SAMD12: variants seen among roughly 807,000 people sequenced by gnomAD.
SAMD12 encodes sterile alpha motif domain-containing protein 12.
SAMD12 carries 9 observed loss-of-function variants against 15.0 expected under a neutral mutation model. The ratio of observed to expected loss-of-function variants is 0.60; its 90% CI spans 0.36 to 1.05. SAMD12 has a LOEUF of 1.05. Among genes scored for constraint, SAMD12 ranks in the 50% least tolerant of loss-of-function variants. The pLI, the probability that SAMD12 is intolerant of heterozygous loss-of-function variation, is 0.01. For synonymous variants in SAMD12, 86 were observed against 90.1 expected (o/e 0.96, Z 0.25); for missense variants, 230 against 234.2 (o/e 0.98, Z 0.12).
chr8:118,266,616 GA>G (rs1381688857), intron 4 of SAMD12, among the ~76,000 whole-genome samples: 2 of 152,058 alleles, frequency 1.3e-5, no homozygotes, highest in African/African-American at 4.8e-5. Context: ...AACAAATAAA[GA>G]AAATGTGGTA....
intron 2 of SAMD12, among the ~76,000 whole-genome samples, chr8:118,470,028 C>A (rs1823747509): frequency 6.6e-6 from 1 of 151,966 alleles, no homozygotes; most frequent in Non-Finnish European, 1.5e-5. Flanking sequence ...TAATGGAATA[C>A]TCCTCATCTT....
Position 118,331,067 on chromosome 8 carries a change from GCTAAGAAATCT to G in SAMD12, c.433+48482_433+48492del, listed in dbSNP as rs139259459. On this transcript the variant is annotated intron_variant, in intron 4 of 4. Coordinates refer to the SAMD12 transcript ENST00000409003. Reference sequence around the variant, plus strand: ...TTTGATTCAGTGGGTCTTGGGTCAGGCTAAGAAATCTCTATTTGCAAAAATATCCTGAGATG... The same window carrying G: ...TTTGATTCAGTGGGTCTTGGGTCAGGCTATTTGCAAAAATATCCTGAGATG... 7.4e-3 allele frequency among the ~76,000 whole-genome samples: 1,125 copies of G among 152,272 alleles called. 19 individuals carry two copies. Among genetic ancestry groups the G allele is most frequent in the African/African-American group, 0.026 (1,080 of 41,548 alleles).
intron 4 of SAMD12, among the ~76,000 whole-genome samples, chr8:118,366,888 AT>A (rs2089689483): frequency 2.1e-5 from 2 of 96,498 alleles, no homozygotes; most frequent in African/African-American, 4.3e-5. Flanking sequence ...AAATAATAAA[AT>A]AAAATAAAAT....
chr8:118,262,450 A>T (rs1471032171), intron 4 of SAMD12, among the ~76,000 whole-genome samples: 1 of 152,108 alleles, frequency 6.6e-6, no homozygotes, highest in Non-Finnish European at 1.5e-5. Flanking sequence ...TGCTAACTTG[A>T]CTGTCTCTTT....
At chr8:118,424,209 A>G (rs1462264708) in intron 3 of SAMD12, among the ~76,000 whole-genome samples, 1 of 152,230 alleles carries the variant, frequency 6.6e-6, no homozygotes, top group Non-Finnish European at 1.5e-5. Flanking sequence ...GTATATGTGT[A>G]TATCTACGCA....
chr8:118,469,314 T>A (rs1271139322), intron 2 of SAMD12, among the ~76,000 whole-genome samples: 1 of 148,908 alleles, frequency 6.7e-6, no homozygotes, highest in Non-Finnish European at 1.5e-5. Context: ...TTTCATCCAT[T>A]TCATAAATGG....
intron 1 of SAMD12, among the ~76,000 whole-genome samples, chr8:118,609,073 A>C (rs1375482127): frequency 6.6e-6 from 1 of 152,240 alleles, no homozygotes; most frequent in African/African-American, 2.4e-5. Flanking sequence ...TGTGAGCTAT[A>C]CATACATTTT....
intron 4 of SAMD12, among the ~76,000 whole-genome samples, chr8:118,200,379 C>T (rs148422769): frequency 3.1e-5 from 4 of 129,570 alleles, no homozygotes; most frequent in African/African-American, 6.0e-5. Context: ...CCAATCAGCA[C>T]GATGAAGGGC....
At chr8:118,461,580 A>T (rs558099742) in intron 2 of SAMD12, among the ~76,000 whole-genome samples, 2 of 152,094 alleles carry the variant, frequency 1.3e-5, no homozygotes, top group African/African-American at 2.4e-5. Flanking sequence ...ACGTATGTAC[A>T]TACGTAAAAT....
At chr8:118,466,860 C>A (rs1823609763) in intron 2 of SAMD12, among the ~76,000 whole-genome samples, 1 of 152,166 alleles carries the variant, frequency 6.6e-6, no homozygotes. Context: ...AGATTCCCTG[C>A]CCACAAATTT....
intron 2 of SAMD12, among the ~76,000 whole-genome samples, chr8:118,576,069 C>T (rs1483461867): frequency 6.6e-6 from 1 of 152,048 alleles, no homozygotes; most frequent in African/African-American, 2.4e-5. Flanking sequence ...CAACACAATT[C>T]CATTTTTCAT....
intron 4 of SAMD12, among the ~76,000 whole-genome samples, chr8:118,311,974 T>C (rs184383038): frequency 4.6e-5 from 7 of 152,332 alleles, no homozygotes; most frequent in Middle Eastern, 3.4e-3. Flanking sequence ...TTCTCTTCAG[T>C]GTTCCGTCTT....
intron 2 of SAMD12, among the ~76,000 whole-genome samples, chr8:118,538,087 G>T (rs1022361996): frequency 1.3e-5 from 2 of 152,314 alleles, no homozygotes; most frequent in African/African-American, 4.8e-5. Flanking sequence ...GTAAAATCCA[G>T]AAGAATTCCC....
chr8:118,313,051 A>G (rs898279642), intron 4 of SAMD12, among the ~76,000 whole-genome samples: 1 of 152,214 alleles, frequency 6.6e-6, no homozygotes, highest in Non-Finnish European at 1.5e-5. Flanking sequence ...ATTATATTAC[A>G]TAGGTCTCAA....
intron 2 of SAMD12, among the ~76,000 whole-genome samples, chr8:118,477,965 G>T (rs1824008120): frequency 7.1e-6 from 1 of 140,668 alleles, no homozygotes; most frequent in Non-Finnish European, 1.5e-5. Context: ...AGTGAGCAGA[G>T]ATCTCCCCAC....
At chr8:118,394,640 G>C (rs1820457807) in intron 3 of SAMD12, 1 of 152,198 alleles carries the variant, frequency 6.6e-6, no homozygotes, top group African/African-American at 2.4e-5. Context: ...TACCATGTCT[G>C]TAGTGCCAAT....
At position 118,621,895 on chromosome 8, in the gene SAMD12, C is replaced by A. The variant is rs763309040; in HGVS notation, c.-79G>T. On this transcript the variant is annotated 5_prime_UTR_variant, in exon 1 of 4. Coordinates refer to ENST00000314727, the MANE Select transcript of SAMD12 (RefSeq NM_207506.3). Reference sequence around the variant, plus strand: ...CTGCCCCGCGCTCCCCCCTTCCTCTCGCTTTCGCCTAAATATTCTGCGCTT... The same window carrying A: ...CTGCCCCGCGCTCCCCCCTTCCTCTAGCTTTCGCCTAAATATTCTGCGCTT... 1 of 1,492,168 alleles carries A rather than the reference C, an allele frequency of 6.7e-7. No homozygotes were observed. The highest frequency in any genetic ancestry group is 1.1e-5 in the South Asian group (1 of 88,606). The allele number at this position is 1,492,168 out of a possible 1,614,324, so 92.4% of individuals were successfully genotyped here. A position where few individuals can be genotyped will look rare whatever the true frequency, so the allele number is the denominator to read the frequency against.
chr8:118,494,319 A>G (rs1028392007), intron 2 of SAMD12, among the ~76,000 whole-genome samples: 2 of 152,210 alleles, frequency 1.3e-5, no homozygotes, highest in African/African-American at 4.8e-5. Flanking sequence ...CTATAACTAC[A>G]GGATATAAAT....
chr8:118,211,491 A>T (rs1187744175), intron 4 of SAMD12, among the ~76,000 whole-genome samples: 1 of 152,218 alleles, frequency 6.6e-6, no homozygotes, highest in Non-Finnish European at 1.5e-5. Flanking sequence ...GACCTAAACG[A>T]CAGCTTTCTT....
Sources: gnomAD v4.1 joint callset for allele counts (sites outside exome capture counted in the v4.1 genomes callset) on GRCh38, gnomAD v4.1.1 for gene constraint, MANE v1.5 for transcripts, NCBI Gene and HGNC (gene_info 2026-07-23, HGNC 2026-07-21) for gene names.